The following FARP2 variants were observed in gnomAD, a reference collection of about 807,000 sequenced individuals.
FARP2 encodes FERM, ARHGEF and pleckstrin domain-containing protein 2.
In FARP2, 111 loss-of-function variants were observed where a neutral mutation model predicts 130.5. The ratio of observed to expected loss-of-function variants is 0.85; its 90% confidence interval spans 0.73 to 1.00. The LOEUF (loss-of-function observed/expected upper bound fraction) is 1.00, where lower values mean the gene tolerates loss of function less well. Ranked by LOEUF, FARP2 falls within the 50% of genes least tolerant of loss-of-function variation. The pLI is 0.00. For synonymous variants in FARP2, 504 were observed against 516.9 expected (o/e 0.98, Z 0.34); for missense variants, 1,385 against 1,346.3 (o/e 1.03, Z -0.45).
chr2:241,484,172 G>A, intron 20 of FARP2, 70 bp from the exon 21 acceptor site: 2 of 1,601,766 alleles, frequency 1.2e-6, no homozygotes, highest in South Asian at 1.1e-5. Flanking sequence ...AGCAGCCAGA[G>A]TCCAAGTTGG....
At chr2:241,390,646 C>T (rs912461051) in intron 2 of FARP2, among the ~76,000 whole-genome samples, 1 of 152,174 alleles carries the variant, frequency 6.6e-6, no homozygotes, top group Non-Finnish European at 1.5e-5. Flanking sequence ...TTACCTCTAA[C>T]ACTGACCTTT....
At chr2:241,466,250 G>C in intron 17 of FARP2, 5 of 985,438 alleles carry the variant, frequency 5.1e-6, no homozygotes, top group Non-Finnish European at 6.0e-6. Flanking sequence ...TGCAAGTGTG[G>C]TCCCTGGAGC....
At chr2:241,413,268 T>A in intron 6 of FARP2, 39 bp from the exon 7 acceptor site, 4 of 1,277,440 alleles carry the variant, frequency 3.1e-6, no homozygotes. Context: ...TGCTTGTAGT[T>A]TATTTAAAAA....
intron 12 of FARP2, among the ~76,000 whole-genome samples, chr2:241,438,731 G>T (rs551453014): frequency 6.7e-6 from 1 of 149,852 alleles, no homozygotes; most frequent in Non-Finnish European, 1.5e-5. Context: ...CCGGGTTCAC[G>T]CCATTCTCCT....
In FARP2 at chr2:241,405,622, A is replaced by T. The variant is rs61268124; in HGVS notation, c.331+781A>T. Among the ~76,000 whole-genome samples the T allele has an allele frequency of 3.6e-3, 540 of 151,400 alleles. 10 individuals carry two copies. Among genetic ancestry groups the T allele is most frequent in the East Asian group, 2.7e-3 (14 of 5,150 alleles). On this transcript the variant is annotated intron_variant, in intron 4 of 26. Transcript: ENST00000264042. ...CCTTTACAGTAATCAGATTTCAAAA[A>T]TAATGTGTTTTTATTACTATTAATA...
At chr2:241,417,228 G>T in intron 7 of FARP2, among the ~76,000 whole-genome samples, 1 of 151,576 alleles carries the variant, frequency 6.6e-6, no homozygotes, top group Non-Finnish European at 1.5e-5. Flanking sequence ...AACCTGGGAG[G>T]CAGAGGTTGC....
chr2:241,382,034 G>A (rs1559716810), intron 2 of FARP2, among the ~76,000 whole-genome samples: 2 of 152,210 alleles, frequency 1.3e-5, no homozygotes, highest in African/African-American at 4.8e-5. Flanking sequence ...ATACTTGTAC[G>A]CTGCAGAAAA....
chr2:241,456,525 A>G (rs1042536266), intron 13 of FARP2: 1 of 536,370 alleles, frequency 1.9e-6, no homozygotes, highest in African/African-American at 2.0e-5. Flanking sequence ...CTGTCTGTGG[A>G]TTGCTCTCTG....
intron 4 of FARP2, among the ~76,000 whole-genome samples, chr2:241,405,658 G>A (rs1416794864): frequency 0.031 from 5 of 160 alleles, no homozygotes; most frequent in African/African-American, 0.088. Context: ...ATACTGGCCC[G>A]GTGTGGGGCT....
intron 1 of FARP2, among the ~76,000 whole-genome samples, chr2:241,366,213 T>C (rs1425534675): frequency 6.7e-6 from 1 of 150,148 alleles, no homozygotes; most frequent in Admixed American, 6.7e-5. Context: ...GCACCTTTTA[T>C]TCACTTTCAC....
At chr2:241,424,763 G>A (rs75949927) in intron 8 of FARP2, among the ~76,000 whole-genome samples, 3,905 of 152,178 alleles carry the variant, frequency 0.026, 400 homozygotes, top group Admixed American at 0.18. Flanking sequence ...AATGATAGGG[G>A]AATATCACCA....
At chr2:241,460,512 G>A (rs757974) in intron 14 of FARP2, among the ~76,000 whole-genome samples, 56,497 of 151,440 alleles carry the variant, frequency 0.37, 10,799 homozygotes, top group Admixed American at 0.52. Flanking sequence ...TCCTGGCCTC[G>A]AGTGATCCTC....
intron 4 of FARP2, 104 bp from the exon 5 acceptor site, chr2:241,407,433 A>G: frequency 2.5e-5 from 21 of 851,206 alleles, no homozygotes; most frequent in Non-Finnish European, 2.0e-6. Flanking sequence ...GATTTGCTGT[A>G]ACAGTCCACT....
chr2:241,457,258 C>A (rs1468266447), intron 14 of FARP2, among the ~76,000 whole-genome samples: 9 of 152,192 alleles, frequency 5.9e-5, no homozygotes, highest in African/African-American at 1.4e-4. Flanking sequence ...TCCTTCCCAC[C>A]TTCCTCATTT....
At chr2:241,489,808 C>G (rs985634838) in intron 21 of FARP2, 154 bp from the exon 22 acceptor site, 1 of 584,096 alleles carries the variant, frequency 1.7e-6, no homozygotes, top group African/African-American at 1.9e-5. Flanking sequence ...TACCAGTGTC[C>G]TCCTTGGCCT....
At chr2:241,361,889 A>T (rs2061194836) in intron 1 of FARP2, among the ~76,000 whole-genome samples, 1 of 151,042 alleles carries the variant, frequency 6.6e-6, no homozygotes. Context: ...TATTATTTTT[A>T]TTTTTTATTT....
At chr2:241,485,651 G>T (rs769363649) in intron 21 of FARP2, among the ~76,000 whole-genome samples, 29 of 146,326 alleles carry the variant, frequency 2.0e-4, no homozygotes, top group Admixed American at 9.4e-4. Flanking sequence ...CCCTCCCTGA[G>T]GTCCTCCCTC....
At chr2:241,387,647 G>A (rs1402311463) in intron 2 of FARP2, among the ~76,000 whole-genome samples, 4 of 151,990 alleles carry the variant, frequency 2.6e-5, no homozygotes, top group Non-Finnish European at 4.4e-5. Context: ...CAAAAAATTA[G>A]CCAGGCGTGG....
intron 4 of FARP2, among the ~76,000 whole-genome samples, 197 bp from the exon 5 acceptor site, chr2:241,407,340 C>T (rs2062387058): frequency 6.6e-6 from 1 of 152,128 alleles, no homozygotes; most frequent in Non-Finnish European, 1.5e-5. Flanking sequence ...CATCCTTTCA[C>T]CTCAGCCTCC....
Sources: allele counts gnomAD v4.1 joint callset (sites outside exome capture counted in the v4.1 genomes callset), GRCh38; gene constraint gnomAD v4.1.1; transcripts MANE v1.5; gene names NCBI Gene and HGNC (gene_info 2026-07-23, HGNC 2026-07-21).